CR1L: variants seen among roughly 807,000 people sequenced by gnomAD.
CR1L encodes the protein complement component receptor 1-like protein.
A neutral mutation model predicts 62.3 loss-of-function variants in CR1L; 59 were observed. The observed-to-expected ratio is 0.95, with a 90% CI of 0.77 to 1.18. The LOEUF is 1.18. Ranked by LOEUF, CR1L falls within the 50% of genes most tolerant of loss-of-function variation. The probability of loss-of-function intolerance (pLI) is 0.00; values close to 1 mark genes in which losing one functional copy is unlikely to be tolerated. For synonymous variants in CR1L, 279 were observed against 248.7 expected (o/e 1.12, Z -1.15); for missense variants, 700 against 702.8 (o/e 1.00, Z 0.04).
At chr1:207,708,847 AG>A in intron 10 of CR1L, 1 of 409,952 alleles carries the variant, frequency 2.4e-6, no homozygotes, top group Non-Finnish European at 4.8e-6. Context: ...ATCTGGTGGG[AG>A]AATAAGTGGG....
chr1:207,663,652 G>A (rs1054890636), intron 1 of CR1L, among the ~76,000 whole-genome samples: 8 of 152,204 alleles, frequency 5.3e-5, no homozygotes, highest in African/African-American at 1.9e-4. Flanking sequence ...CCACTGTCCT[G>A]CACTCCCCAG....
At chr1:207,683,999 T>A in intron 4 of CR1L, 42 bp downstream of exon 4, 1 of 1,560,728 alleles carries the variant, frequency 6.4e-7, no homozygotes, top group Non-Finnish European at 8.8e-7. Context: ...ACCGATACAT[T>A]CTAATTTTTC....
intron 4 of CR1L, among the ~76,000 whole-genome samples, chr1:207,686,092 C>CT (rs1663900163): frequency 1.5e-5 from 1 of 67,960 alleles, no homozygotes. Flanking sequence ...CCCTTCCTCC[C>CT]TCCTTTCCTT....
At chr1:207,668,238 T>C (rs1379589315) in intron 1 of CR1L, among the ~76,000 whole-genome samples, 1 of 151,156 alleles carries the variant, frequency 6.6e-6, no homozygotes, top group Non-Finnish European at 1.5e-5. Context: ...TGATGCACTA[T>C]TCACAATAGC....
chr1:207,710,357 GTGAACT>G, intron 10 of CR1L: 1 of 1,327,118 alleles, frequency 7.5e-7, no homozygotes, highest in African/African-American at 1.4e-5. Flanking sequence ...TTTTGTTTTG[GTGAACT>G]TGCGGTCTCT....
chr1:207,649,844 G>T (rs1663195296), intron 1 of CR1L, among the ~76,000 whole-genome samples: 2 of 152,218 alleles, frequency 1.3e-5, no homozygotes, highest in Admixed American at 6.5e-5. Context: ...CTCTGGTAAT[G>T]TGAAAAATGA....
intron 1 of CR1L, among the ~76,000 whole-genome samples, chr1:207,663,634 C>A (rs561752358): frequency 1.3e-5 from 2 of 152,198 alleles, no homozygotes; most frequent in Non-Finnish European, 2.9e-5. Context: ...ATGCACAGTG[C>A]GCTGCACCCA....
chr1:207,651,033 C>A (rs1490530656), intron 1 of CR1L, among the ~76,000 whole-genome samples: 1 of 152,104 alleles, frequency 6.6e-6, no homozygotes, highest in Admixed American at 6.5e-5. Context: ...GATCCGCCCG[C>A]CTCGGCCTCC....
At chr1:207,670,040 G>A (rs1663586532) in intron 1 of CR1L, among the ~76,000 whole-genome samples, 1 of 151,002 alleles carries the variant, frequency 6.6e-6, no homozygotes, top group Admixed American at 6.6e-5. Context: ...CTGCATTGTG[G>A]AGTTGCTGCC....
chr1:207,679,445 C>A (rs1276266821), intron 3 of CR1L, among the ~76,000 whole-genome samples: 1 of 152,074 alleles, frequency 6.6e-6, no homozygotes, highest in Admixed American at 6.5e-5. Context: ...TTAAGACATC[C>A]ATATATTTCA....
At chr1:207,675,516 A>C (rs1197777477) in intron 1 of CR1L, among the ~76,000 whole-genome samples, 2 of 152,216 alleles carry the variant, frequency 1.3e-5, no homozygotes, top group Non-Finnish European at 2.9e-5. Flanking sequence ...CAGGAAACTG[A>C]AAAAGGGGAA....
At chr1:207,690,115 T>A (rs936915614) in intron 4 of CR1L, among the ~76,000 whole-genome samples, 1 of 152,110 alleles carries the variant, frequency 6.6e-6, no homozygotes, top group African/African-American at 2.4e-5. Context: ...TTTTACTGAT[T>A]TCTGCTTATT....
At chr1:207,706,618 T>G (rs765739198) in intron 9 of CR1L, among the ~76,000 whole-genome samples, 5 of 152,062 alleles carry the variant, frequency 3.3e-5, no homozygotes, top group Admixed American at 6.6e-5. Flanking sequence ...GAAATAAATT[T>G]ATTGACACCA....
chr1:207,683,321 G>T (rs12563415), intron 3 of CR1L, among the ~76,000 whole-genome samples: 9,205 of 151,988 alleles, frequency 0.061, 598 homozygotes, highest in East Asian at 0.36. Flanking sequence ...AATTTTTGTT[G>T]AGACAGGGTC....
At chr1:207,649,211 C>A (rs7544931) in intron 1 of CR1L, among the ~76,000 whole-genome samples, 1 of 151,916 alleles carries the variant, frequency 6.6e-6, no homozygotes, top group Admixed American at 6.6e-5. Context: ...TTGTAGCTAC[C>A]GGCCAGGGAG....
intron 11 of CR1L, among the ~76,000 whole-genome samples, chr1:207,721,010 G>A (rs1488028621): frequency 6.6e-6 from 1 of 152,156 alleles, no homozygotes; most frequent in Non-Finnish European, 1.5e-5. Context: ...GGTAAATGGA[G>A]TTTCTTCAGT....
At chr1:207,681,397 T>C (rs1663794169) in intron 3 of CR1L, among the ~76,000 whole-genome samples, 1 of 152,240 alleles carries the variant, frequency 6.6e-6, no homozygotes, top group Non-Finnish European at 1.5e-5. Context: ...TTTAAATGGA[T>C]ATGAGAGTCC....
chr1:207,654,851 C>A (rs193040566), intron 1 of CR1L, among the ~76,000 whole-genome samples: 1 of 152,324 alleles, frequency 6.6e-6, no homozygotes, highest in African/African-American at 2.4e-5. Context: ...GGCCTGTTCT[C>A]TCTACAGTCT....
At position 207,697,719 on chromosome 1, in the gene CR1L, G is replaced by A. The variant is rs374326372; in HGVS notation, c.1039+40G>A. 1.2e-4 allele frequency: 187 copies of A among 1,613,796 alleles called. No individual in the cohort carries two copies. In the Admixed American group the frequency reaches 1.2e-3, roughly 10 times the overall value. ...ATCTGGCTTGGTATTTTTAGCTTGC[G>A]TCTTTATTCTCCACATGCCAGTTAT... On this transcript the variant is annotated intron_variant, in intron 6 of 11. Transcript: ENST00000508064.
Sources: gnomAD v4.1 joint callset for allele counts (sites outside exome capture counted in the v4.1 genomes callset) on GRCh38, gnomAD v4.1.1 for gene constraint, MANE v1.5 for transcripts, NCBI Gene and HGNC (gene_info 2026-07-23, HGNC 2026-07-21) for gene names.